Variants in MAF observed in about 807,000 individuals in gnomAD.
MAF encodes the protein transcription factor Maf.
MAF carries 10 observed loss-of-function variants against 22.0 expected under a neutral mutation model. The ratio of observed to expected loss-of-function variants is 0.45; its 90% CI spans 0.28 to 0.77. The LOEUF (loss-of-function observed/expected upper bound fraction) is 0.77. Ranked by LOEUF, MAF falls within the 30% of genes least tolerant of loss-of-function variation. The pLI, the probability that MAF is intolerant of heterozygous loss-of-function variation, is 0.12. For missense variants in MAF, 544 were observed against 548.4 expected (o/e 0.99, Z 0.08); for synonymous variants, 337 against 255.8 (o/e 1.32, Z -3.03).
At chr16:79,278,133 G>C in the MAF span, among the ~76,000 whole-genome samples, 2 of 152,162 alleles carry the variant, frequency 1.3e-5, no homozygotes, top group Non-Finnish European at 2.9e-5. Flanking sequence ...TGTCTAATTA[G>C]GACTAGATTG....
chr16:79,569,033 A>G, the MAF span, among the ~76,000 whole-genome samples: 2 of 152,230 alleles, frequency 1.3e-5, no homozygotes. Flanking sequence ...CCATGTACTG[A>G]GCACTTCCTG....
the MAF span, among the ~76,000 whole-genome samples, chr16:79,549,075 T>C: frequency 6.6e-6 from 1 of 152,158 alleles, no homozygotes; most frequent in Non-Finnish European, 1.5e-5. Context: ...AGGATATCAT[T>C]ACCTCCTTTG....
At chr16:79,529,788 C>T in the MAF span, among the ~76,000 whole-genome samples, 1 of 152,056 alleles carries the variant, frequency 6.6e-6, no homozygotes, top group Non-Finnish European at 1.5e-5. Context: ...TGGTGAAACC[C>T]CATCTCTACT....
At chr16:79,487,734 C>T in the MAF span, among the ~76,000 whole-genome samples, 1 of 152,202 alleles carries the variant, frequency 6.6e-6, no homozygotes, top group Non-Finnish European at 1.5e-5. Flanking sequence ...CCTAATGCTT[C>T]TCAACTTCGG....
At chr16:79,436,526 G>A in the MAF span, among the ~76,000 whole-genome samples, 1 of 152,174 alleles carries the variant, frequency 6.6e-6, no homozygotes. Context: ...CAAGAAAAGT[G>A]CTTCTCTTGC....
At chr16:79,265,368 G>A in the MAF span, among the ~76,000 whole-genome samples, 1 of 152,186 alleles carries the variant, frequency 6.6e-6, no homozygotes, top group South Asian at 2.1e-4. Context: ...CCCAATAGTT[G>A]GTTGTGGCAA....
At chr16:79,349,294 A>G in the MAF span, among the ~76,000 whole-genome samples, 14 of 152,152 alleles carry the variant, frequency 9.2e-5, no homozygotes, top group Non-Finnish European at 1.9e-4. Flanking sequence ...CCTAAGAGGG[A>G]CTTGAGGTTG....
chr16:79,398,238 CT>C, the MAF span, among the ~76,000 whole-genome samples: 2 of 152,186 alleles, frequency 1.3e-5, no homozygotes, highest in Non-Finnish European at 2.9e-5. Context: ...TTATAAGGAC[CT>C]TTGTGATTAC....
At chr16:79,593,819 A>G (rs1323020026), downstream of MAF, 1 of 179,300 alleles carries the variant, frequency 5.6e-6, no homozygotes, top group Non-Finnish European at 1.2e-5. Flanking sequence ...AAAGGGAGCA[A>G]AAAATCACAC....
the MAF span, among the ~76,000 whole-genome samples, chr16:79,407,661 T>C: frequency 6.6e-6 from 1 of 152,150 alleles, no homozygotes; most frequent in Non-Finnish European, 1.5e-5. Context: ...ATCATATCAC[T>C]CATTTTTTTC....
the MAF span, among the ~76,000 whole-genome samples, chr16:79,291,482 T>G: frequency 6.6e-6 from 1 of 152,034 alleles, no homozygotes; most frequent in Non-Finnish European, 1.5e-5. Context: ...TGAATTTCCT[T>G]GTTTCTGAGT....
the MAF span, among the ~76,000 whole-genome samples, chr16:79,211,353 C>T: frequency 2.0e-5 from 3 of 152,142 alleles, no homozygotes; most frequent in Non-Finnish European, 4.4e-5. Flanking sequence ...ATTTATTTTC[C>T]AAGCCTGTCC....
chr16:79,215,861 T>G, the MAF span, among the ~76,000 whole-genome samples: 12 of 152,270 alleles, frequency 7.9e-5, no homozygotes, highest in South Asian at 1.2e-3. Flanking sequence ...TTATCAGAAG[T>G]TATCTACGTT....
chr16:79,275,929 C>A, the MAF span, among the ~76,000 whole-genome samples: 1 of 152,124 alleles, frequency 6.6e-6, no homozygotes, highest in Non-Finnish European at 1.5e-5. Context: ...ATCACGAGGT[C>A]AGGAGATCGA....
chr16:79,409,991 T>C, the MAF span, among the ~76,000 whole-genome samples: 1 of 152,222 alleles, frequency 6.6e-6, no homozygotes, highest in Non-Finnish European at 1.5e-5. Context: ...TGAGTCCTTG[T>C]GGATGAATTG....
the MAF span, among the ~76,000 whole-genome samples, chr16:79,443,039 G>T: frequency 6.6e-6 from 1 of 152,192 alleles, no homozygotes; most frequent in African/African-American, 2.4e-5. Context: ...AGTCTAATGG[G>T]ACTGATTGGG....
the MAF span, among the ~76,000 whole-genome samples, chr16:79,316,491 G>A: frequency 6.6e-5 from 10 of 152,042 alleles, no homozygotes; most frequent in Admixed American, 5.9e-4. Flanking sequence ...TCTGAGCCTC[G>A]GTTTTCTCTT....
At chr16:79,386,369 A>G in the MAF span, among the ~76,000 whole-genome samples, 4 of 152,218 alleles carry the variant, frequency 2.6e-5, no homozygotes, top group Non-Finnish European at 5.9e-5. Flanking sequence ...CATAAGGAAC[A>G]TGTAACCCAG....
the MAF span, among the ~76,000 whole-genome samples, chr16:79,337,500 G>A: frequency 0.024 from 3,657 of 152,142 alleles, 151 homozygotes; most frequent in African/African-American, 0.084. Context: ...CCTGGGAGGC[G>A]GAGGTTGCAG....
Sources: gnomAD v4.1 joint callset for allele counts (sites outside exome capture counted in the v4.1 genomes callset) on GRCh38, gnomAD v4.1.1 for gene constraint, MANE v1.5 for transcripts, NCBI Gene and HGNC (gene_info 2026-07-23, HGNC 2026-07-21) for gene names.